Variants in IL1RAPL2 observed in about 807,000 individuals in gnomAD.
IL1RAPL2 encodes X-linked interleukin-1 receptor accessory protein-like 2.
Under a neutral mutation model 44.1 loss-of-function variants are expected in IL1RAPL2, and 3 were observed. The ratio of observed to expected loss-of-function variants is 0.07; its 90% confidence interval spans 0.03 to 0.18. The LOEUF is 0.18. IL1RAPL2 is among the 10% of genes least tolerant of loss of function. The pLI, the probability that IL1RAPL2 is intolerant of heterozygous loss-of-function variation, is 1.00. For missense variants in IL1RAPL2, 391 were observed against 496.4 expected (o/e 0.79, Z 2.02); for synonymous variants, 181 against 178.8 (o/e 1.01, Z -0.10).
intron 2 of IL1RAPL2, among the ~76,000 whole-genome samples, chrX:105,005,379 C>T (rs2030923678): frequency 2.7e-5 from 3 of 111,284 alleles, no homozygotes; most frequent in South Asian, 3.7e-4. Flanking sequence ...TATATCTATG[C>T]ACCATGGACC....
At chrX:105,553,960 C>T (rs189257817) in intron 6 of IL1RAPL2, among the ~76,000 whole-genome samples, 7 of 112,964 alleles carry the variant, frequency 6.2e-5, no homozygotes, top group Middle Eastern at 4.6e-3. Flanking sequence ...AACATTGAGC[C>T]ACCCAACCAG....
chrX:105,607,229 C>T (rs1376177120), intron 6 of IL1RAPL2, among the ~76,000 whole-genome samples: 2 of 109,991 alleles, frequency 1.8e-5, no homozygotes, highest in Admixed American at 9.7e-5. Context: ...TTAAAAAAAG[C>T]TTTGTCCCCT....
At chrX:105,719,155 A>G (rs1257980228) in intron 7 of IL1RAPL2, among the ~76,000 whole-genome samples, 3 of 111,900 alleles carry the variant, frequency 2.7e-5, no homozygotes, top group Non-Finnish European at 3.8e-5. Context: ...ATGTCTATCA[A>G]CTAAGGAATG....
At chrX:105,017,659 A>G (rs2031208485) in intron 2 of IL1RAPL2, among the ~76,000 whole-genome samples, 1 of 111,297 alleles carries the variant, frequency 9.0e-6, no homozygotes, top group African/African-American at 3.3e-5. Flanking sequence ...AAGAGGTTGC[A>G]TAATTGAGTA....
intron 6 of IL1RAPL2, among the ~76,000 whole-genome samples, chrX:105,556,984 T>C (rs2036900986): frequency 8.9e-6 from 1 of 112,424 alleles, no homozygotes; most frequent in African/African-American, 3.2e-5. Flanking sequence ...GTCTGCTTCA[T>C]ATGGCTTTTC....
At chrX:104,830,721 C>A (rs1921582484) in intron 2 of IL1RAPL2, among the ~76,000 whole-genome samples, 1 of 111,754 alleles carries the variant, frequency 8.9e-6, no homozygotes, top group African/African-American at 3.2e-5. Flanking sequence ...CTCTGAATTT[C>A]AACTCCTTCT....
chrX:105,255,011 G>T (rs28855518), intron 4 of IL1RAPL2, among the ~76,000 whole-genome samples: 6,682 of 111,311 alleles, frequency 0.06, 256 homozygotes, highest in South Asian at 0.17. Context: ...TGTTCTGTTT[G>T]CTCAGAATTG....
chrX:105,231,988 T>C (rs1445470007), intron 3 of IL1RAPL2, among the ~76,000 whole-genome samples: 1 of 112,420 alleles, frequency 8.9e-6, no homozygotes, highest in East Asian at 2.8e-4. Flanking sequence ...AGAACATAAA[T>C]GTTTCTTTCA....
intron 2 of IL1RAPL2, among the ~76,000 whole-genome samples, chrX:104,779,585 C>T (rs1196796027): frequency 8.9e-6 from 1 of 111,948 alleles, no homozygotes; most frequent in African/African-American, 3.2e-5. Context: ...TGACATAGTG[C>T]TTGGTGCTGT....
intron 1 of IL1RAPL2, among the ~76,000 whole-genome samples, chrX:104,643,814 C>G (rs1489875291): frequency 2.7e-5 from 3 of 111,506 alleles, no homozygotes; most frequent in South Asian, 7.5e-4. Flanking sequence ...AGGAAAGAAA[C>G]TTTATAAAAT....
At chrX:105,308,076 A>T (rs766289311) in intron 5 of IL1RAPL2, among the ~76,000 whole-genome samples, 2 of 110,854 alleles carry the variant, frequency 1.8e-5, no homozygotes, top group African/African-American at 6.6e-5. Flanking sequence ...GAACAGGGTG[A>T]AATTTATCTG....
At chrX:105,572,782 G>A (rs751045011) in intron 6 of IL1RAPL2, among the ~76,000 whole-genome samples, 1 of 112,081 alleles carries the variant, frequency 8.9e-6, no homozygotes, top group South Asian at 3.7e-4. Flanking sequence ...GACCTGCAAA[G>A]TATAAATTAT....
intron 2 of IL1RAPL2, among the ~76,000 whole-genome samples, chrX:104,757,259 A>G (rs1932355266): frequency 9.0e-6 from 1 of 111,683 alleles, no homozygotes; most frequent in Admixed American, 9.5e-5. Flanking sequence ...GAACAAAAGG[A>G]ATCAAAGTTT....
chrX:105,291,018 T>C (rs1169217333), intron 5 of IL1RAPL2, among the ~76,000 whole-genome samples: 1 of 111,571 alleles, frequency 9.0e-6, no homozygotes, highest in African/African-American at 3.3e-5. Flanking sequence ...ATAAAGGCCA[T>C]TTCTGCCTAT....
chrX:105,102,416 G>C (rs775960968), intron 2 of IL1RAPL2, among the ~76,000 whole-genome samples: 7 of 111,939 alleles, frequency 6.3e-5, no homozygotes, highest in African/African-American at 2.3e-4. Flanking sequence ...CAAATATTCT[G>C]TTTCTGACAA....
At chrX:105,126,205 TG>T (rs1441377722) in intron 2 of IL1RAPL2, among the ~76,000 whole-genome samples, 27 of 111,296 alleles carry the variant, frequency 2.4e-4, no homozygotes, top group Non-Finnish European at 2.3e-4. Flanking sequence ...CTCTTCCATT[TG>T]AAAGTGCTCT....
chrX:104,777,241 A>G (rs1932732887), intron 2 of IL1RAPL2, among the ~76,000 whole-genome samples: 1 of 110,549 alleles, frequency 9.0e-6, no homozygotes, highest in African/African-American at 3.3e-5. Flanking sequence ...GGTAGCTACC[A>G]TTCTACTGTT....
intron 2 of IL1RAPL2, among the ~76,000 whole-genome samples, chrX:104,754,440 C>T (rs1932310961): frequency 9.0e-6 from 1 of 111,610 alleles, no homozygotes; most frequent in Admixed American, 9.5e-5. Context: ...ATGAGAAGTT[C>T]ATAGTGCTTT....
chrX:104,605,698 CAAATA>C (rs1298466070), intron 1 of IL1RAPL2, among the ~76,000 whole-genome samples: 2 of 112,071 alleles, frequency 1.8e-5, no homozygotes, highest in Admixed American at 9.4e-5. Context: ...CACCTCTATG[CAAATA>C]AAATAGAAAA....
Sources: gnomAD v4.1 joint callset for allele counts (sites outside exome capture counted in the v4.1 genomes callset) on GRCh38, gnomAD v4.1.1 for gene constraint, MANE v1.5 for transcripts, NCBI Gene and HGNC (gene_info 2026-07-23, HGNC 2026-07-21) for gene names.